Variants in GNAI3 observed in about 807,000 individuals in gnomAD.
The protein encoded by GNAI3 is guanine nucleotide-binding protein G(i) subunit alpha-3.
GNAI3 carries 12 observed loss-of-function variants against 41.8 expected under a neutral mutation model. The ratio of observed to expected loss-of-function variants is 0.29; its 90% CI spans 0.18 to 0.47. The LOEUF (loss-of-function observed/expected upper bound fraction) is 0.47. Ranked by LOEUF, GNAI3 falls within the 20% of genes least tolerant of loss-of-function variation. The probability of loss-of-function intolerance (pLI) is 1.00; values close to 1 mark genes in which losing one functional copy is unlikely to be tolerated. For synonymous variants in GNAI3, 132 were observed against 146.5 expected, an observed-to-expected ratio of 0.90 and a Z score of 0.71; for missense variants, 360 against 429.6, an observed-to-expected ratio of 0.84 and a Z score of 1.43.
Position 109,548,768 on chromosome 1 carries a change from C to T in GNAI3, c.48C>T (p.Ser16=), listed in dbSNP as rs1000570975. The T allele has an allele frequency of 1.2e-6, 2 of 1,613,524 alleles. No homozygotes were observed. Among genetic ancestry groups the T allele is most frequent in the African/African-American group, 1.3e-5 (1 of 74,914 alleles). Residue 16 remains serine (S), a synonymous_variant, in exon 1 of 9, where the codon AGC becomes AGT. Transcript: ENST00000369851. ...AAGACAAGGCGGCAGTGGAGCGAAG[C>T]AAGATGATCGACCGCAACTTACGGG... is the stretch of plus-strand genomic sequence containing the variant. ...SAEDKAAVER[S]KMIDRNLRED...
chr1:109,562,956 T>G (rs1276973376), intron 1 of GNAI3, among the ~76,000 whole-genome samples: 3 of 152,232 alleles, frequency 2.0e-5, no homozygotes, highest in Non-Finnish European at 4.4e-5. Flanking sequence ...TACAGTTGCT[T>G]GTGTCAGTTC....
chr1:109,584,253 A>G, intron 5 of GNAI3, among the ~76,000 whole-genome samples: 1 of 152,208 alleles, frequency 6.6e-6, no homozygotes, highest in East Asian at 1.9e-4. Flanking sequence ...GTGCAGGAAA[A>G]TAGCAGTTCA....
At chr1:109,590,023 C>G (rs1163753576) in intron 7 of GNAI3, among the ~76,000 whole-genome samples, 1 of 152,072 alleles carries the variant, frequency 6.6e-6, no homozygotes, top group African/African-American at 2.4e-5. Flanking sequence ...GATTTTTGAG[C>G]AAGAAGTAAG....
chr1:109,565,752 T>G (rs886966218), intron 1 of GNAI3, among the ~76,000 whole-genome samples: 2 of 151,840 alleles, frequency 1.3e-5, no homozygotes, highest in African/African-American at 4.8e-5. Flanking sequence ...GCTAGTGGAG[T>G]CCTAAACAGG....
At chr1:109,574,987 G>A (rs1197609315) in intron 3 of GNAI3, among the ~76,000 whole-genome samples, 1 of 152,324 alleles carries the variant, frequency 6.6e-6, no homozygotes, top group South Asian at 2.1e-4. Context: ...TACTGAAAGG[G>A]TAGTCACAGT....
chr1:109,558,793 T>A (rs1011429197), intron 1 of GNAI3, among the ~76,000 whole-genome samples: 3 of 152,202 alleles, frequency 2.0e-5, no homozygotes, highest in Admixed American at 6.5e-5. Flanking sequence ...AGTTTAGCTA[T>A]CCATGCTTTG....
chr1:109,558,607 T>G (rs1171089571), intron 1 of GNAI3, among the ~76,000 whole-genome samples: 1 of 152,136 alleles, frequency 6.6e-6, no homozygotes, highest in East Asian at 1.9e-4. Context: ...TGCTTCATCA[T>G]CACCCTGGCT....
intron 1 of GNAI3, among the ~76,000 whole-genome samples, chr1:109,552,725 T>G (rs1431863932): frequency 1.3e-5 from 2 of 150,822 alleles, no homozygotes; most frequent in East Asian, 3.9e-4. Context: ...TTTGTTTTTG[T>G]TTTTTTTTGA....
At chr1:109,577,256 T>A (rs1190793039) in intron 3 of GNAI3, among the ~76,000 whole-genome samples, 1 of 151,624 alleles carries the variant, frequency 6.6e-6, no homozygotes, top group African/African-American at 2.4e-5. Context: ...GGCATATAGA[T>A]CTTAGCTAAG....
At chr1:109,573,805 A>G in intron 2 of GNAI3, 26 bp downstream of exon 2, 2 of 1,604,252 alleles carry the variant, frequency 1.2e-6, no homozygotes, top group Non-Finnish European at 1.7e-6. Context: ...GCGTTTTGTT[A>G]GACTAGGATT....
chr1:109,552,322 C>T (rs1648001552), intron 1 of GNAI3, among the ~76,000 whole-genome samples: 1 of 152,146 alleles, frequency 6.6e-6, no homozygotes, highest in Non-Finnish European at 1.5e-5. Context: ...TTTTTTATAG[C>T]ATTGAAATTT....
At chr1:109,562,389 G>C (rs768208768) in intron 1 of GNAI3, among the ~76,000 whole-genome samples, 76 of 152,186 alleles carry the variant, frequency 5.0e-4, no homozygotes, top group Admixed American at 1.6e-3. Context: ...GGTATCCTAG[G>C]GGGGGTCCTG....
At chr1:109,557,558 A>G (rs1200245369) in intron 1 of GNAI3, among the ~76,000 whole-genome samples, 1 of 152,228 alleles carries the variant, frequency 6.6e-6, no homozygotes, top group Admixed American at 6.5e-5. Flanking sequence ...AGAATAGGTA[A>G]GAAATGAAAT....
chr1:109,561,740 CAT>C (rs2101093185), intron 1 of GNAI3, among the ~76,000 whole-genome samples: 1 of 152,164 alleles, frequency 6.6e-6, no homozygotes, highest in South Asian at 2.1e-4. Flanking sequence ...GAGAGAGAGA[CAT>C]ATACGTTAGG....
At chr1:109,569,286 G>A (rs895806465) in intron 1 of GNAI3, among the ~76,000 whole-genome samples, 5 of 152,120 alleles carry the variant, frequency 3.3e-5, no homozygotes, top group African/African-American at 1.2e-4. Context: ...GTCCTCTTCA[G>A]TTCCTCCCTT....
At chr1:109,551,499 G>A (rs1489877357) in intron 1 of GNAI3, among the ~76,000 whole-genome samples, 2 of 152,098 alleles carry the variant, frequency 1.3e-5, no homozygotes, top group East Asian at 3.9e-4. Context: ...GTTTAACATG[G>A]TGATTAATAG....
rs769318984 is a variant in GNAI3, at chr1:109,579,321, A to G, written c.421A>G (p.Ser141Gly). ...AGATGGTGGGGTACAAGCTTGCTTC[A>G]GCAGATCCAGGGAATATCAGCTCAA... Reference protein sequence around the residue: ...WRDGGVQACFSRSREYQLNDS... With the variant: ...WRDGGVQACFGRSREYQLNDS... Residue 141 changes from serine to glycine, a missense_variant, in exon 4 of 9, where the codon AGC becomes GGC. Ser to Gly is a moderately conservative substitution (Grantham distance 56). Coordinates refer to ENST00000369851, the MANE Select transcript of GNAI3 (RefSeq NM_006496.4). 2 of 1,613,890 alleles carry G rather than the reference A, an allele frequency of 1.2e-6. No homozygotes were observed. Among genetic ancestry groups the G allele is most frequent in the East Asian group, 2.2e-5 (1 of 44,886 alleles).
chr1:109,588,330 C>T (rs182609103), intron 7 of GNAI3, among the ~76,000 whole-genome samples: 1 of 149,074 alleles, frequency 6.7e-6, no homozygotes, highest in African/African-American at 2.5e-5. Context: ...TGCAGTGAGC[C>T]GAGATCGCGC....
At chr1:109,576,541 A>G (rs1648747143) in intron 3 of GNAI3, among the ~76,000 whole-genome samples, 1 of 149,172 alleles carries the variant, frequency 6.7e-6, no homozygotes, top group African/African-American at 2.5e-5. Context: ...TTTTTGAGAC[A>G]GAGTTTCACT....
Sources: gnomAD v4.1 joint callset for allele counts (sites outside exome capture counted in the v4.1 genomes callset) on GRCh38, gnomAD v4.1.1 for gene constraint, MANE v1.5 for transcripts, NCBI Gene and HGNC (gene_info 2026-07-23, HGNC 2026-07-21) for gene names.